ATP11A: variants seen among roughly 807,000 people sequenced by gnomAD.
ATP11A encodes the protein ATPase phospholipid transporting 11A, also known as phospholipid-transporting ATPase IH.
In ATP11A, 81 loss-of-function variants were observed where a neutral mutation model predicts 154.4. The ratio of observed to expected loss-of-function variants is 0.52; its 90% CI spans 0.44 to 0.63. ATP11A has a LOEUF of 0.63. ATP11A is among the 30% of genes least tolerant of loss of function. The probability of loss-of-function intolerance (pLI) is 0.00; values close to 1 mark genes in which losing one functional copy is unlikely to be tolerated. For synonymous variants in ATP11A, 623 were observed against 585.9 expected, an observed-to-expected ratio of 1.06 and a Z score of -0.91; for missense variants, 1,316 against 1,474.3, an observed-to-expected ratio of 0.89 and a Z score of 1.76.
chr13:112,785,195 C>T lies in ATP11A; in HGVS notation c.100C>T (p.Pro34Ser). The change falls in exon 2 of 30, where the codon CCT (proline) becomes TCT (serine). Residue 34 changes from proline to serine, a missense_variant. This residue lies in a region of ATP11A where 123 missense variants were observed against 113.7 expected (regional missense o/e 1.08). Transcript: ENST00000375645. This position sits in a 1 kb window ranked among gnomAD's most constrained non-coding sequence, Gnocchi z 4.8. ...CATCTACGTGGGACACAGGGAGCCACCTCCGGGCGCAGAGGCCTACATCCC... is the reference window on the plus strand; with the variant it reads ...CATCTACGTGGGACACAGGGAGCCATCTCCGGGCGCAGAGGCCTACATCCC... ...RTIYVGHREPPPGAEAYIPQR... is the reference protein window; with the variant it reads ...RTIYVGHREPSPGAEAYIPQR... 4 of 1,578,896 alleles carry T rather than the reference C, an allele frequency of 2.5e-6. No individual in the cohort carries two copies. The highest frequency in any genetic ancestry group is 3.4e-6 in the Non-Finnish European group (4 of 1,163,062).
At chr13:112,762,110 G>C (rs1245334351) in intron 1 of ATP11A, among the ~76,000 whole-genome samples, 1 of 152,186 alleles carries the variant, frequency 6.6e-6, no homozygotes, top group Non-Finnish European at 1.5e-5. Context: ...GGAGACTCGT[G>C]CTTATGAGGT....
intron 4 of ATP11A, among the ~76,000 whole-genome samples, chr13:112,806,974 G>A (rs1047673942): frequency 9.9e-5 from 15 of 152,192 alleles, no homozygotes; most frequent in Non-Finnish European, 1.0e-4. Flanking sequence ...GCTTCATTCC[G>A]TCTGATGAAT....
At chr13:112,849,198 G>A (rs1050253422) in intron 17 of ATP11A, among the ~76,000 whole-genome samples, 1 of 152,196 alleles carries the variant, frequency 6.6e-6, no homozygotes, top group Non-Finnish European at 1.5e-5. Context: ...CCACTTGGTC[G>A]TGGTGTATGA....
At chr13:112,781,533 C>T (rs2077498954) in intron 1 of ATP11A, among the ~76,000 whole-genome samples, 3 of 152,174 alleles carry the variant, frequency 2.0e-5, no homozygotes, top group South Asian at 2.1e-4. Context: ...TCGCTGCTGA[C>T]AACATTTGAC....
At chr13:112,864,057 C>G (rs142158730) in intron 25 of ATP11A, among the ~76,000 whole-genome samples, 1 of 69,258 alleles carries the variant, frequency 1.4e-5, no homozygotes, top group East Asian at 5.2e-4. Flanking sequence ...TCACCACCTG[C>G]ACAGTAATTC....
chr13:112,870,869 T>G (rs2080495596), intron 25 of ATP11A, among the ~76,000 whole-genome samples: 1 of 152,212 alleles, frequency 6.6e-6, no homozygotes, highest in Non-Finnish European at 1.5e-5. Context: ...GGCCTGTGCC[T>G]CGTGCGGTAG....
intron 1 of ATP11A, among the ~76,000 whole-genome samples, chr13:112,713,992 A>G (rs1472012416): frequency 8.9e-5 from 3 of 33,846 alleles, no homozygotes; most frequent in Non-Finnish European, 1.8e-4. Context: ...TCCTGGCCCC[A>G]GTCTCCCTTC....
intron 1 of ATP11A, among the ~76,000 whole-genome samples, chr13:112,750,955 G>A (rs545946421): frequency 1.3e-5 from 2 of 152,242 alleles, no homozygotes; most frequent in South Asian, 2.1e-4. Context: ...TAACTTCATC[G>A]GTGTAATGTC....
intron 1 of ATP11A, among the ~76,000 whole-genome samples, chr13:112,703,528 C>T (rs143034164): frequency 9.2e-5 from 14 of 152,308 alleles, no homozygotes; most frequent in Non-Finnish European, 1.6e-4. Context: ...AAACACATTA[C>T]GCCTTGTCTG....
At chr13:112,822,743 CAAAAAAA>C (rs764140319) in intron 8 of ATP11A, among the ~76,000 whole-genome samples, 8 of 71,096 alleles carry the variant, frequency 1.1e-4, no homozygotes, top group East Asian at 4.1e-4. Flanking sequence ...GACCCTGTTG[CAAAAAAA>C]AAAAAAAAAA....
chr13:112,713,400 A>G (rs1887988117), intron 1 of ATP11A, among the ~76,000 whole-genome samples: 1 of 152,222 alleles, frequency 6.6e-6, no homozygotes. Context: ...GTCTCTAAAA[A>G]AAATAAATAA....
chr13:112,858,069 C>A, intron 21 of ATP11A, 76 bp from the exon 22 acceptor site: 1 of 1,582,778 alleles, frequency 6.3e-7, no homozygotes, highest in Admixed American at 1.7e-5. Flanking sequence ...TGGTTTCATC[C>A]GTTCTTCTCC....
chr13:112,819,794 G>C (rs909750778), intron 7 of ATP11A, 106 bp from the exon 8 acceptor site: 9 of 1,182,964 alleles, frequency 7.6e-6, no homozygotes, highest in African/African-American at 7.5e-5. Context: ...CACACGGAGC[G>C]GGCCAGGTGA....
At chr13:112,877,091 A>T (rs567672724) in intron 28 of ATP11A, among the ~76,000 whole-genome samples, 8 of 152,360 alleles carry the variant, frequency 5.3e-5, no homozygotes, top group African/African-American at 1.9e-4. Flanking sequence ...CTCTCAATGT[A>T]GTGAAAATGT....
chr13:112,776,133 C>T (rs978571094), intron 1 of ATP11A, among the ~76,000 whole-genome samples: 3 of 152,328 alleles, frequency 2.0e-5, no homozygotes, highest in East Asian at 3.9e-4. Flanking sequence ...TTTGTTTCCA[C>T]GGGGATTCAT....
intron 1 of ATP11A, among the ~76,000 whole-genome samples, chr13:112,710,298 C>T (rs1594366488): frequency 6.6e-6 from 1 of 152,216 alleles, no homozygotes; most frequent in Non-Finnish European, 1.5e-5. Context: ...CAGCTCATGC[C>T]TCCTAATGTA....
intron 2 of ATP11A, among the ~76,000 whole-genome samples, chr13:112,800,786 A>T (rs947545898): frequency 2.0e-5 from 3 of 152,230 alleles, no homozygotes; most frequent in Non-Finnish European, 2.9e-5. Flanking sequence ...CAATGTATAA[A>T]AAGAATTATA....
Position 112,690,546 on chromosome 13 carries a change from G to C in ATP11A, c.39+91G>C. ...CGGACCCTGTGGCCGGTCCAGCCCC[G>C]GGGTCCCGGGAGGTCTCCGATGTCT... On this transcript the variant is annotated intron_variant, in intron 1 of 29. Transcript: ENST00000375645. This position sits in a 1 kb window ranked among gnomAD's most constrained non-coding sequence, Gnocchi z 5.6. The C allele has an allele frequency of 8.3e-7, 1 of 1,199,770 alleles. No individual in the cohort carries two copies. The highest frequency in any genetic ancestry group is 1.0e-6 in the Non-Finnish European group (1 of 953,608). The allele number at this position is 1,199,770 out of a possible 1,614,324, so 74.3% of individuals were successfully genotyped here.
intron 19 of ATP11A, among the ~76,000 whole-genome samples, chr13:112,855,359 A>G (rs2079891905): frequency 6.6e-6 from 1 of 152,134 alleles, no homozygotes; most frequent in Non-Finnish European, 1.5e-5. Context: ...TCACCTTTTA[A>G]TAGAGACAGG....
Sources: gnomAD v4.1 joint callset for allele counts (sites outside exome capture counted in the v4.1 genomes callset) on GRCh38, gnomAD v4.1.1 for gene constraint, gnomAD v4.1.1 regional missense constraint, Gnocchi (gnomAD v3.1) non-coding constraint, MANE v1.5 for transcripts, NCBI Gene and HGNC (gene_info 2026-07-23, HGNC 2026-07-21) for gene names.